The following PARP1 variants were observed in gnomAD, a reference collection of about 807,000 sequenced individuals.
The protein encoded by PARP1 is poly(ADP-ribose) polymerase 1, also known as poly [ADP-ribose] polymerase 1.
Under a neutral mutation model 118.7 loss-of-function variants are expected in PARP1, and 44 were observed. The ratio of observed to expected loss-of-function variants is 0.37; its 90% CI spans 0.29 to 0.48. PARP1 has a LOEUF of 0.48. PARP1 is among the 20% of genes least tolerant of loss of function. The pLI, the probability that PARP1 is intolerant of heterozygous loss-of-function variation, is 0.99. For synonymous variants in PARP1, 492 were observed against 483.2 expected, an observed-to-expected ratio of 1.02 and a Z score of -0.24; for missense variants, 1,100 against 1,272.4, an observed-to-expected ratio of 0.86 and a Z score of 2.06.
chr1:226,407,674 G>A, intron 1 of PARP1, 136 bp downstream of exon 1: 2 of 809,868 alleles, frequency 2.5e-6, no homozygotes, highest in South Asian at 2.7e-5. Flanking sequence ...GGGCGGCCGC[G>A]GCCCCATAGG....
At chr1:226,393,756 A>G (rs1008522877) in intron 2 of PARP1, among the ~76,000 whole-genome samples, 3 of 152,262 alleles carry the variant, frequency 2.0e-5, no homozygotes, top group Admixed American at 6.5e-5. Context: ...AGAAATGTCT[A>G]TAACTCAACG....
chr1:226,362,878 A>T (rs1442192828), intron 21 of PARP1, among the ~76,000 whole-genome samples: 1 of 151,544 alleles, frequency 6.6e-6, no homozygotes, highest in Non-Finnish European at 1.5e-5. Context: ...TACAAAAATA[A>T]ATAAAATGAA....
rs756037053 is a variant in PARP1 at position 226,367,578 on chromosome 1, C to T, written c.2308G>A (p.Asp770Asn). The T allele has an allele frequency of 3.3e-5, 54 of 1,614,024 alleles. No individual in the cohort carries two copies. Among genetic ancestry groups the T allele is most frequent in the Non-Finnish European group, 4.2e-5 (50 of 1,180,030 alleles). ...AKVEMLDNLLDIEVAYSLLRG... is the reference protein window; with the variant it reads ...AKVEMLDNLLNIEVAYSLLRG... ...AGCAGACTGTAGGCCACCTCGATGT[C>T]CAGCAGGTTGTCAAGCATTTCCACC... Residue 770 changes from aspartate to asparagine, a missense_variant, in exon 17 of 23, where the codon GAC becomes AAC. Coordinates refer to ENST00000366794, the MANE Select transcript of PARP1 (RefSeq NM_001618.4).
chr1:226,364,393 C>A (rs1174247670), intron 19 of PARP1: 1 of 360,188 alleles, frequency 2.8e-6, no homozygotes, highest in Non-Finnish European at 5.4e-6. Context: ...CTTAAACTAG[C>A]GCCTGTCAAC....
At chr1:226,400,266 T>A (rs1478700228) in intron 2 of PARP1, among the ~76,000 whole-genome samples, 1 of 151,958 alleles carries the variant, frequency 6.6e-6, no homozygotes, top group Non-Finnish European at 1.5e-5. Context: ...GCCACAGCAC[T>A]CCAGCCTGGG....
chr1:226,367,892 C>T (rs1664303507), intron 16 of PARP1, among the ~76,000 whole-genome samples: 3 of 152,158 alleles, frequency 2.0e-5, no homozygotes, highest in African/African-American at 7.2e-5. Flanking sequence ...GTACTTTAGA[C>T]AAATGGGTCC....
At chr1:226,393,715 G>A (rs931922144) in intron 2 of PARP1, among the ~76,000 whole-genome samples, 1 of 152,174 alleles carries the variant, frequency 6.6e-6, no homozygotes, top group Non-Finnish European at 1.5e-5. Flanking sequence ...AAAAAGACTA[G>A]AAAAACTACA....
intron 3 of PARP1, 41 bp downstream of exon 3, chr1:226,392,158 C>T (rs770740024): frequency 7.8e-7 from 1 of 1,274,976 alleles, no homozygotes; most frequent in East Asian, 2.3e-5. Flanking sequence ...TCATTGCAAG[C>T]AATCCATAAA....
intron 1 of PARP1, 46 bp from the exon 2 acceptor site, chr1:226,402,425 T>C: frequency 6.3e-7 from 1 of 1,576,912 alleles, no homozygotes. Flanking sequence ...AGTTAACTTT[T>C]GACTTAGACC....
At chr1:226,368,890 A>G (rs1243189152) in intron 15 of PARP1, among the ~76,000 whole-genome samples, 1 of 152,240 alleles carries the variant, frequency 6.6e-6, no homozygotes. Context: ...TGCACAAAAA[A>G]TGCACAGAGA....
intron 2 of PARP1, among the ~76,000 whole-genome samples, chr1:226,401,591 T>C (rs1295672239): frequency 6.6e-6 from 1 of 152,246 alleles, no homozygotes; most frequent in Non-Finnish European, 1.5e-5. Flanking sequence ...GCTTCGTCCC[T>C]GTCCCTGCTT....
At position 226,365,138 on chromosome 1, in the gene PARP1, C is replaced by T. The variant is rs748109048; in HGVS notation, c.2522G>A (p.Arg841His). ...LEVIDIFKIE[R>H]EGECQRYKPF... is the part of the protein sequence containing the mutation. ...CTTGTAACGCTGGCATTCGCCTTCA[C>T]GCTCTATCTTAAAGATCTGGTTGGA... is the stretch of plus-strand genomic sequence containing the variant. Residue 841 changes from arginine to histidine, a missense_variant, in exon 19 of 23, where the codon CGT becomes CAT. Transcript: ENST00000366794. 5.6e-6 allele frequency: 9 copies of T among 1,614,088 alleles called. No individual in the cohort carries two copies. Among genetic ancestry groups the T allele is most frequent in the Middle Eastern group, 1.6e-4 (1 of 6,084 alleles).
chr1:226,407,999 GC>G lies in PARP1; in HGVS notation c.-71del. On this transcript the variant is annotated 5_prime_UTR_variant, in exon 1 of 23. Transcript: ENST00000366794. ...CCTAGAAACACGCTGCCGCCTCGCC[GC>G]CTCGCGTGCGCTCACCCAGCCGCAG... 6.3e-7 allele frequency: 1 copy of G among 1,598,798 alleles called. No homozygotes were observed. Among genetic ancestry groups the G allele is most frequent in the Non-Finnish European group, 8.5e-7 (1 of 1,174,170 alleles).
chr1:226,374,492 G>GGT, intron 13 of PARP1, 138 bp from the exon 14 acceptor site: 1 of 978,006 alleles, frequency 1.0e-6, no homozygotes, highest in South Asian at 1.4e-5. Context: ...TAATCAAAAA[G>GGT]GTGTGGAAAA....
At position 226,385,543 on chromosome 1, in the gene PARP1, C is replaced by T; in HGVS notation, c.972G>A (p.Lys324=). The change falls in exon 7 of 23, where the codon AAG becomes AAA. Residue 324 remains lysine (K), a synonymous_variant. Transcript: ENST00000366794. ...DVTAWTKCMV[K]TQTPNRKEWV... is the part of the protein sequence containing the mutation. ...ACTCCTTCCGGTTGGGTGTCTGTGT[C>T]TTGACCATACACTTGGTCCAGGCAG... 1 of 1,614,172 alleles carries T rather than the reference C, an allele frequency of 6.2e-7. No individual in the cohort carries two copies. The highest frequency in any genetic ancestry group is 8.5e-7 in the Non-Finnish European group (1 of 1,180,024).
In PARP1 at chr1:226,361,424, CA is replaced by C; in HGVS notation, c.*35del. 3.5e-6 allele frequency: 5 copies of C among 1,445,260 alleles called. No individual in the cohort carries two copies. The highest frequency in any genetic ancestry group is 4.9e-6 in the Non-Finnish European group (5 of 1,027,528). The allele number at this position is 1,445,260 out of a possible 1,614,324, so 89.5% of individuals were successfully genotyped here. A position where few individuals can be genotyped will look rare whatever the true frequency, so the allele number is the denominator to read the frequency against. ...AGAAGCGCTTCGGGTGAATTCATAC[CA>C]GAGCCACCGGGTGTGACTCGGCTAC... is the stretch of plus-strand genomic sequence containing the variant. On this transcript the variant is annotated 3_prime_UTR_variant, in exon 23 of 23. Transcript: ENST00000366794.
At chr1:226,404,023 A>C (rs1665090456) in intron 1 of PARP1, among the ~76,000 whole-genome samples, 1 of 152,182 alleles carries the variant, frequency 6.6e-6, no homozygotes, top group Admixed American at 6.5e-5. Context: ...GGACTCCTCA[A>C]CATCAGCTTT....
chr1:226,400,224 G>A (rs1008554410), intron 2 of PARP1, among the ~76,000 whole-genome samples: 10 of 152,112 alleles, frequency 6.6e-5, no homozygotes, highest in African/African-American at 1.9e-4. Flanking sequence ...GCCTGAACCC[G>A]GGAGGCGGAG....
chr1:226,383,019 G>A lies in PARP1; in HGVS notation c.1159+17C>T. ...TCCTGCAAAGCAGCTCTAAGACCGG[G>A]GTCCCAAATGCTGTACCTGCTGAAG... On this transcript the variant is annotated intron_variant, in intron 8 of 22. Coordinates refer to ENST00000366794, the MANE Select transcript of PARP1 (RefSeq NM_001618.4). 1 of 1,612,294 alleles carries A rather than the reference G, an allele frequency of 6.2e-7. No homozygotes were observed. Among genetic ancestry groups the A allele is most frequent in the Non-Finnish European group, 8.5e-7 (1 of 1,179,702 alleles).
Sources: gnomAD v4.1 joint callset for allele counts (sites outside exome capture counted in the v4.1 genomes callset) on GRCh38, gnomAD v4.1.1 for gene constraint, MANE v1.5 for transcripts, NCBI Gene and HGNC (gene_info 2026-07-23, HGNC 2026-07-21) for gene names.